Variants in YARS1 observed in about 807,000 individuals in gnomAD.
The protein encoded by YARS1 is tyrosine--tRNA ligase, cytoplasmic.
In YARS1, 36 loss-of-function variants were observed where a neutral mutation model predicts 62.2. The ratio of observed to expected loss-of-function variants is 0.58; its 90% CI spans 0.44 to 0.76. The LOEUF is 0.76. Ranked by LOEUF, YARS1 falls within the 30% of genes least tolerant of loss-of-function variation. YARS1 has a pLI of 0.00. For missense variants in YARS1, 524 were observed against 639.8 expected, an observed-to-expected ratio of 0.82 and a Z score of 1.95; for synonymous variants, 234 against 244.9, an observed-to-expected ratio of 0.96 and a Z score of 0.42.
At chr1:32,779,834 T>C in intron 11 of YARS1, 2 of 611,266 alleles carry the variant, frequency 3.3e-6, no homozygotes, top group Non-Finnish European at 2.9e-6. Flanking sequence ...CACTCCTTAC[T>C]AGTAGTAAGA....
chr1:32,804,387 T>A (rs1320785025), intron 4 of YARS1, among the ~76,000 whole-genome samples: 1 of 147,986 alleles, frequency 6.8e-6, no homozygotes, highest in East Asian at 2.1e-4. Context: ...CCCACCTCCC[T>A]CCTGGACAGG....
intron 6 of YARS1, among the ~76,000 whole-genome samples, chr1:32,788,638 T>C (rs1653315706): frequency 1.3e-5 from 2 of 151,446 alleles, no homozygotes; most frequent in African/African-American, 4.9e-5. Flanking sequence ...TCCATGTTGG[T>C]CAGGCTGGTG....
chr1:32,814,149 C>G (rs916292975), intron 1 of YARS1, among the ~76,000 whole-genome samples: 2 of 152,160 alleles, frequency 1.3e-5, no homozygotes, highest in Non-Finnish European at 2.9e-5. Context: ...AAATAAAACT[C>G]ATGCTCTTGA....
At chr1:32,797,047 TATAG>T (rs1449959526) in intron 5 of YARS1, among the ~76,000 whole-genome samples, 5 of 80,318 alleles carry the variant, frequency 6.2e-5, no homozygotes, top group African/African-American at 2.8e-4. Context: ...TATATATATA[TATAG>T]TAAGCATTTC....
rs150024996 is a variant in YARS1, at chr1:32,813,089, A to C, written c.58-2032T>G. ...CAATTGCCAGTCAGGAAATCTTTGA[A>C]TCCACCTAGAACCTAGAACCCCCAC... is the stretch of plus-strand genomic sequence containing the variant. On this transcript the variant is annotated intron_variant, in intron 1 of 12. Transcript: ENST00000373477. Among the ~76,000 whole-genome samples the C allele has an allele frequency of 1.6e-3, 249 of 152,216 alleles. 2 individuals are homozygous for C. Among genetic ancestry groups the C allele is most frequent in the African/African-American group, 5.8e-3 (241 of 41,538 alleles).
chr1:32,779,344 C>T, intron 12 of YARS1, 38 bp downstream of exon 12: 2 of 1,614,112 alleles, frequency 1.2e-6, no homozygotes, highest in Non-Finnish European at 1.7e-6. Context: ...ACAGTCCAGG[C>T]AGCCCAGCCA....
Position 32,810,947 on chromosome 1 carries a change from C to T in YARS1, c.168G>A (p.Met56Ile). Residue 56 changes from methionine to isoleucine, a missense_variant, in exon 2 of 13, where the codon ATG (methionine) becomes ATA (isoleucine). Met to Ile is a conservative substitution (Grantham distance 10). Transcript: ENST00000373477. The stretch of plus-strand genomic sequence containing the variant: ...CCTTTAAGAAGTCTGCAATCTTTGA[C>T]ATGGGCACAAAGTAAGCCACATGTG... ...GKPHVAYFVP[M>I]SKIADFLKAG... 6.2e-7 allele frequency: 1 copy of T among 1,614,176 alleles called. No homozygotes were observed. The highest frequency in any genetic ancestry group is 8.5e-7 in the Non-Finnish European group (1 of 1,180,036).
chr1:32,795,120 C>T (rs929886465), intron 5 of YARS1, among the ~76,000 whole-genome samples: 2 of 151,086 alleles, frequency 1.3e-5, no homozygotes, highest in African/African-American at 2.4e-5. Flanking sequence ...GAGACCGAGA[C>T]CACCTTGGCT....
chr1:32,781,283 T>C, intron 9 of YARS1, 138 bp from the exon 10 acceptor site: 1 of 754,106 alleles, frequency 1.3e-6, no homozygotes, highest in Admixed American at 2.0e-5. Context: ...TTGTAACTTC[T>C]TTAATACTGG....
intron 5 of YARS1, chr1:32,797,461 CCTTGGAAACTGGGCTATTAGGAAA>C (rs1329269384): frequency 4.4e-6 from 2 of 457,162 alleles, no homozygotes; most frequent in Admixed American, 7.2e-5. Flanking sequence ...TAATGCCTCT[CCTTGGAAACTGGGCTATTAGGAAA>C]GGAGTAAATC....
intron 8 of YARS1, among the ~76,000 whole-genome samples, chr1:32,784,179 A>AC (rs1553123032): frequency 7.4e-6 from 1 of 135,202 alleles, no homozygotes; most frequent in African/African-American, 2.7e-5. Flanking sequence ...CAGTATTTTG[A>AC]TTTTTTTTTT....
intron 1 of YARS1, among the ~76,000 whole-genome samples, chr1:32,815,746 T>C (rs1041218125): frequency 6.6e-6 from 1 of 152,166 alleles, no homozygotes; most frequent in Non-Finnish European, 1.5e-5. Context: ...AGTAGATTAG[T>C]GTTTCTCTAA....
intron 3 of YARS1, among the ~76,000 whole-genome samples, chr1:32,807,746 C>T (rs1183838606): frequency 3.9e-5 from 6 of 152,086 alleles, no homozygotes; most frequent in East Asian, 1.9e-4. Context: ...GCCACAGTAG[C>T]GGGCTTGTTT....
At chr1:32,802,722 G>T (rs540238269) in intron 4 of YARS1, among the ~76,000 whole-genome samples, 1 of 152,122 alleles carries the variant, frequency 6.6e-6, no homozygotes. Context: ...TCTCAAAAGT[G>T]GGCTTAAAAT....
chr1:32,784,032 G>C (rs1653141553), intron 8 of YARS1, among the ~76,000 whole-genome samples: 1 of 150,352 alleles, frequency 6.7e-6, no homozygotes, highest in Non-Finnish European at 1.5e-5. Flanking sequence ...TTGAGACATG[G>C]TCTCGCTCTG....
intron 11 of YARS1, 183 bp downstream of exon 11, chr1:32,779,902 T>C (rs1652995395): frequency 4.2e-6 from 3 of 707,602 alleles, no homozygotes; most frequent in Non-Finnish European, 7.2e-6. Context: ...TAACTGTAGG[T>C]AAAATGCTTC....
chr1:32,789,395 T>C (rs1653340517), intron 6 of YARS1, among the ~76,000 whole-genome samples: 1 of 152,180 alleles, frequency 6.6e-6, no homozygotes, highest in Admixed American at 6.6e-5. Context: ...CCACACTAAG[T>C]ATTATATATT....
chr1:32,815,436 T>C (rs1477724289), intron 1 of YARS1, among the ~76,000 whole-genome samples: 2 of 152,166 alleles, frequency 1.3e-5, no homozygotes, highest in Admixed American at 1.3e-4. Flanking sequence ...CACTATTTTA[T>C]GGAGAGAGAA....
intron 10 of YARS1, chr1:32,780,608 C>T (rs923094177): frequency 6.9e-6 from 3 of 435,532 alleles, no homozygotes; most frequent in South Asian, 4.4e-5. Flanking sequence ...AGAAGCAAAT[C>T]CATGTCGAAG....
Sources: allele counts gnomAD v4.1 joint callset (sites outside exome capture counted in the v4.1 genomes callset), GRCh38; gene constraint gnomAD v4.1.1; transcripts MANE v1.5; gene names NCBI Gene and HGNC (gene_info 2026-07-23, HGNC 2026-07-21).